ST6GALNAC5: variants seen among roughly 807,000 people sequenced by gnomAD.
The protein encoded by ST6GALNAC5 is alpha-N-acetylgalactosaminide alpha-2,6-sialyltransferase 5.
A neutral mutation model predicts 33.6 loss-of-function variants in ST6GALNAC5; 27 were observed. That is an observed-to-expected ratio of 0.80 (90% CI 0.59 to 1.11). The LOEUF (loss-of-function observed/expected upper bound fraction) is 1.11, where lower values mean the gene tolerates loss of function less well. Ranked by LOEUF, ST6GALNAC5 falls within the 50% of genes least tolerant of loss-of-function variation. ST6GALNAC5 has a pLI of 0.00. For synonymous variants in ST6GALNAC5, 194 were observed against 171.2 expected (o/e 1.13, Z -1.04); for missense variants, 428 against 454.0 (o/e 0.94, Z 0.52).
intron 4 of ST6GALNAC5, among the ~76,000 whole-genome samples, chr1:77,051,867 C>T (rs1652231207): frequency 1.3e-5 from 2 of 152,146 alleles, no homozygotes; most frequent in Admixed American, 6.5e-5. Flanking sequence ...GCAATATTGC[C>T]ATTAGGATGC....
chr1:76,914,995 G>GA (rs1487506726), intron 2 of ST6GALNAC5, among the ~76,000 whole-genome samples: 2 of 150,162 alleles, frequency 1.3e-5, no homozygotes, highest in South Asian at 2.1e-4. Flanking sequence ...AAATTTACAA[G>GA]AAAAAAACAA....
At chr1:77,034,578 T>C (rs1260030320) in intron 2 of ST6GALNAC5, among the ~76,000 whole-genome samples, 2 of 152,182 alleles carry the variant, frequency 1.3e-5, no homozygotes, top group African/African-American at 2.4e-5. Flanking sequence ...TAGCCCCCCA[T>C]GGCCCAGCTT....
intron 2 of ST6GALNAC5, among the ~76,000 whole-genome samples, chr1:76,989,392 A>G (rs770680271): frequency 2.1e-4 from 32 of 151,502 alleles, no homozygotes; most frequent in Non-Finnish European, 4.3e-4. Context: ...TGTGTTATAT[A>G]TCATCTTTCA....
Position 76,872,049 on chromosome 1 carries a change from C to A in ST6GALNAC5, c.261+3307C>A, listed in dbSNP as rs189111065. Among the ~76,000 whole-genome samples the A allele has an allele frequency of 4.8e-5, 7 of 146,162 alleles. No homozygotes were observed. The East Asian group carries it at 1.4e-3, about 30-fold the overall frequency. ...GAACCTTCTGCATTTAGAACTGTAG[C>A]CTAATGTATAACCAAGCTAACACAC... On this transcript the variant is annotated intron_variant, in intron 2 of 4. Coordinates refer to ENST00000477717, the MANE Select transcript of ST6GALNAC5 (RefSeq NM_030965.3).
intron 2 of ST6GALNAC5, among the ~76,000 whole-genome samples, chr1:76,951,802 G>T (rs1217061033): frequency 6.6e-6 from 1 of 152,044 alleles, no homozygotes; most frequent in Non-Finnish European, 1.5e-5. Flanking sequence ...CTTTAAGAAT[G>T]TTTTTATTGA....
intron 2 of ST6GALNAC5, among the ~76,000 whole-genome samples, chr1:76,945,288 A>G (rs760026391): frequency 5.3e-5 from 8 of 152,134 alleles, no homozygotes; most frequent in Non-Finnish European, 1.0e-4. Flanking sequence ...AAGGAAGATT[A>G]AAAAGGCTGT....
chr1:76,899,232 A>C (rs760803083), intron 2 of ST6GALNAC5, among the ~76,000 whole-genome samples: 1 of 152,108 alleles, frequency 6.6e-6, no homozygotes, highest in Non-Finnish European at 1.5e-5. Context: ...ACACAGGCTA[A>C]GGGAGAAGAA....
intron 2 of ST6GALNAC5, among the ~76,000 whole-genome samples, chr1:76,928,359 CT>C (rs1274209746): frequency 6.6e-6 from 1 of 152,028 alleles, no homozygotes; most frequent in Non-Finnish European, 1.5e-5. Flanking sequence ...CAAAATTGTG[CT>C]TTTGGAAGTG....
intron 2 of ST6GALNAC5, among the ~76,000 whole-genome samples, chr1:76,889,878 ATCT>A (rs1482636283): frequency 1.3e-5 from 2 of 152,066 alleles, no homozygotes; most frequent in African/African-American, 4.8e-5. Flanking sequence ...TTGTCATAGT[ATCT>A]TCTTCTTTAT....
rs2100904209 is a variant in ST6GALNAC5, at chr1:76,867,672, CA to C, written c.1del. 1 of 1,614,092 alleles carries C rather than the reference CA, an allele frequency of 6.2e-7. No individual in the cohort carries two copies. Among genetic ancestry groups the C allele is most frequent in the East Asian group, 2.2e-5 (1 of 44,860 alleles). On this transcript the variant is annotated 5_prime_UTR_variant, in exon 1 of 5. Transcript: ENST00000477717. Reference sequence around the variant, plus strand: ...GAGGATTCTGCACAAAAGAGGTGCCCAAAATGAAGACCCTGATGGTGAGTCA... The same window carrying C: ...GAGGATTCTGCACAAAAGAGGTGCCCAAATGAAGACCCTGATGGTGAGTCA...
chr1:76,869,964 C>G (rs1653462122), intron 2 of ST6GALNAC5, among the ~76,000 whole-genome samples: 1 of 151,850 alleles, frequency 6.6e-6, no homozygotes, highest in Non-Finnish European at 1.5e-5. Context: ...CTGGAAAGAT[C>G]AAGGAAAGCT....
chr1:77,017,934 G>A (rs1212607354), intron 2 of ST6GALNAC5, among the ~76,000 whole-genome samples: 1 of 152,184 alleles, frequency 6.6e-6, no homozygotes, highest in Non-Finnish European at 1.5e-5. Flanking sequence ...CATTAGCCCT[G>A]CCTCAGTTTC....
chr1:76,886,209 T>C (rs1345255088), intron 2 of ST6GALNAC5, among the ~76,000 whole-genome samples: 1 of 152,196 alleles, frequency 6.6e-6, no homozygotes, highest in East Asian at 1.9e-4. Context: ...ATTAGCAACC[T>C]CTTCTGATTT....
At chr1:76,970,635 A>G (rs952936499) in intron 2 of ST6GALNAC5, among the ~76,000 whole-genome samples, 3 of 152,238 alleles carry the variant, frequency 2.0e-5, no homozygotes, top group Admixed American at 6.5e-5. Flanking sequence ...AACACTCTTC[A>G]GGATATTATC....
At chr1:76,993,492 G>A (rs1156905107) in intron 2 of ST6GALNAC5, among the ~76,000 whole-genome samples, 4 of 152,154 alleles carry the variant, frequency 2.6e-5, no homozygotes, top group Non-Finnish European at 5.9e-5. Flanking sequence ...TTTCCCTAAG[G>A]AATTTTGTGA....
chr1:76,985,330 A>T (rs1426520913), intron 2 of ST6GALNAC5, among the ~76,000 whole-genome samples: 1 of 152,216 alleles, frequency 6.6e-6, no homozygotes, highest in Non-Finnish European at 1.5e-5. Context: ...AGGATACAAA[A>T]TCAAGTGCAA....
chr1:77,020,276 T>C (rs1048923965), intron 2 of ST6GALNAC5, among the ~76,000 whole-genome samples: 1 of 152,218 alleles, frequency 6.6e-6, no homozygotes, highest in Non-Finnish European at 1.5e-5. Flanking sequence ...CATTTGAGAC[T>C]GGGGTCTTGC....
intron 2 of ST6GALNAC5, among the ~76,000 whole-genome samples, chr1:76,929,360 G>A (rs574076189): frequency 5.9e-5 from 9 of 152,228 alleles, no homozygotes; most frequent in South Asian, 4.1e-4. Context: ...GGCCGAGACC[G>A]TGAGACCTGT....
At chr1:76,926,277 T>C (rs17099714) in intron 2 of ST6GALNAC5, among the ~76,000 whole-genome samples, 2,040 of 152,286 alleles carry the variant, frequency 0.013, 47 homozygotes, top group African/African-American at 0.046. Flanking sequence ...TCTTTGCATA[T>C]AAATCTTTTG....
Sources: gnomAD v4.1 joint callset for allele counts (sites outside exome capture counted in the v4.1 genomes callset) on GRCh38, gnomAD v4.1.1 for gene constraint, MANE v1.5 for transcripts, NCBI Gene and HGNC (gene_info 2026-07-23, HGNC 2026-07-21) for gene names.